Variants in GCNT3 observed in about 807,000 individuals in gnomAD.
The protein encoded by GCNT3 is beta-1,3-galactosyl-O-glycosyl-glycoprotein beta-1,6-N-acetylglucosaminyltransferase 3.
For missense variants in GCNT3, 708 were observed against 530.3 expected (o/e 1.34, Z -3.29); for synonymous variants, 269 against 195.2 (o/e 1.38, Z -3.15).
intron 1 of GCNT3, among the ~76,000 whole-genome samples, chr15:59,613,828 T>G (rs1369172375): frequency 6.6e-6 from 1 of 151,626 alleles, no homozygotes; most frequent in Non-Finnish European, 1.5e-5. Context: ...GGCAACACAG[T>G]GAAACCGCAT....
At chr15:59,617,177 T>A (rs531632243) in intron 2 of GCNT3, among the ~76,000 whole-genome samples, 1 of 145,908 alleles carries the variant, frequency 6.9e-6, no homozygotes, top group African/African-American at 2.5e-5. Context: ...TTTCTTTCTT[T>A]CTTTTTTTTT....
rs1349839741 is a variant in GCNT3 at position 59,621,594 on chromosome 15, T to TTTTTTTA, written c.*2045_*2046insATTTTTT. On this transcript the variant is annotated 3_prime_UTR_variant, in exon 3 of 3. Coordinates refer to ENST00000396065, the MANE Select transcript of GCNT3 (RefSeq NM_004751.3). Reference sequence around the variant, plus strand: ...ATGTTTCTTCCTTTCTGATTTTTGTTTTTTTTTTTTTTTTTGAGACAGAGT... The same window carrying TTTTTTTA: ...ATGTTTCTTCCTTTCTGATTTTTGTTTTTTTTATTTTTTTTTTTTTTTGAGACAGAGT... The TTTTTTTA allele has an allele frequency of 1.8e-5, 2 of 109,904 alleles. No homozygotes were observed. The highest frequency in any genetic ancestry group is 7.5e-5 in the African/African-American group (2 of 26,682). The allele number at this position is 109,904 out of a possible 1,614,324, so 6.8% of individuals were successfully genotyped here.
At chr15:59,613,811 C>G (rs2082707399) in intron 1 of GCNT3, among the ~76,000 whole-genome samples, 1 of 151,844 alleles carries the variant, frequency 6.6e-6, no homozygotes, top group Non-Finnish European at 1.5e-5. Context: ...AGCTTGAGAC[C>G]AGCCTGGGCA....
chr15:59,614,029 C>T (rs2082708479), intron 1 of GCNT3, among the ~76,000 whole-genome samples: 1 of 152,044 alleles, frequency 6.6e-6, no homozygotes, highest in Non-Finnish European at 1.5e-5. Context: ...AACACATACA[C>T]AAACAAAAGC....
chr15:59,616,154 A>G (rs537001887), intron 1 of GCNT3, among the ~76,000 whole-genome samples: 6 of 152,178 alleles, frequency 3.9e-5, no homozygotes, highest in Non-Finnish European at 8.8e-5. Flanking sequence ...CCCTGTGGGT[A>G]TTTCTACAAC....
At position 59,621,163 on chromosome 15, in the gene GCNT3, G is replaced by A. The variant is rs116871302; in HGVS notation, c.*1608G>A. The A allele has an allele frequency of 6.6e-6, 1 of 151,692 alleles. No homozygotes were observed. Among genetic ancestry groups the A allele is most frequent in the Non-Finnish European group, 1.5e-5 (1 of 67,930 alleles). 9.4% of individuals were successfully genotyped at this position (151,692 alleles called of 1,614,324 possible). ...GCCTCCCAAAGTGCTGGGATTACAGGTGTGAGCCACCATGCCTGGTCCCCT... is the reference window on the plus strand; with the variant it reads ...GCCTCCCAAAGTGCTGGGATTACAGATGTGAGCCACCATGCCTGGTCCCCT... On this transcript the variant is annotated 3_prime_UTR_variant, in exon 3 of 3. Coordinates refer to ENST00000396065, the MANE Select transcript of GCNT3 (RefSeq NM_004751.3).
At position 59,619,070 on chromosome 15, in the gene GCNT3, C is replaced by T; in HGVS notation, c.832C>T (p.Leu278=). Residue 278 remains leucine (L), a synonymous_variant, in exon 3 of 3, where the codon CTA becomes TTA. Transcript: ENST00000396065. ...HFEVVRDTLH[L]TNKKKDPPPY... Reference sequence around the variant, plus strand: ...TGAGGTAGTGAGAGACACATTACACCTAACCAACAAGAAGAAGGATCCTCC... The same window carrying T: ...TGAGGTAGTGAGAGACACATTACACTTAACCAACAAGAAGAAGGATCCTCC... The T allele has an allele frequency of 6.2e-7, 1 of 1,614,048 alleles. No homozygotes were observed. Among genetic ancestry groups the T allele is most frequent in the Non-Finnish European group, 8.5e-7 (1 of 1,179,922 alleles).
chr15:59,616,100 C>T (rs758109343), intron 1 of GCNT3, among the ~76,000 whole-genome samples: 4 of 152,192 alleles, frequency 2.6e-5, no homozygotes, highest in Non-Finnish European at 5.9e-5. Context: ...CTGCCAACAG[C>T]TCTAGACTCA....
Position 59,619,675 on chromosome 15 carries a change from A to G in GCNT3, c.*120A>G. The stretch of plus-strand genomic sequence containing the variant: ...TGCAATTCGTGGCATCCTTTAGGAT[A>G]AGAGGGCTGCTATTAGAGTGTGGGT... On this transcript the variant is annotated 3_prime_UTR_variant, in exon 3 of 3. Transcript: ENST00000396065. The G allele has an allele frequency of 4.2e-6, 3 of 707,762 alleles. No homozygotes were observed. Among genetic ancestry groups the G allele is most frequent in the Non-Finnish European group, 7.6e-6 (3 of 396,538 alleles). The allele number at this position is 707,762 out of a possible 1,614,324, so 43.8% of individuals were successfully genotyped here.
intron 1 of GCNT3, chr15:59,614,918 G>A (rs1434998573): frequency 6.6e-6 from 1 of 152,104 alleles, no homozygotes; most frequent in Admixed American, 6.5e-5. Context: ...AGAGGCCGGT[G>A]GGCAGAGGAC....
In GCNT3 at chr15:59,618,298, G is replaced by C; in HGVS notation, c.60G>C (p.Met20Ile). 5.0e-6 allele frequency: 8 copies of C among 1,612,358 alleles called. No homozygotes were observed. The highest frequency in any genetic ancestry group is 6.8e-6 in the Non-Finnish European group (8 of 1,179,416). The change falls in exon 3 of 3, where the codon ATG becomes ATC. Residue 20 changes from methionine (M) to isoleucine (I), a missense_variant. Coordinates refer to ENST00000396065, the MANE Select transcript of GCNT3 (RefSeq NM_004751.3). The stretch of plus-strand genomic sequence containing the variant: ...ACTTGTGGGCTCTGGGCTGCTATAT[G>C]CTGCTGGCCACTGTGGCTCTGAAAC... ...LHYLWALGCY[M>I]LLATVALKLS... is the part of the protein sequence containing the mutation.
rs968498724 is a variant in GCNT3, at chr15:59,621,985, C to G, written c.*2430C>G. 1.3e-5 allele frequency: 2 copies of G among 151,942 alleles called. No individual in the cohort carries two copies. The highest frequency in any genetic ancestry group is 2.4e-5 in the African/African-American group (1 of 41,358). 9.4% of individuals were successfully genotyped at this position (151,942 alleles called of 1,614,324 possible). ...AACCCTGTAACTCTGACAGTTATCACTGTGTCTGACACAGTGAATTTTTTA... is the reference window on the plus strand; with the variant it reads ...AACCCTGTAACTCTGACAGTTATCAGTGTGTCTGACACAGTGAATTTTTTA... On this transcript the variant is annotated 3_prime_UTR_variant, in exon 3 of 3. Transcript: ENST00000396065.
intron 1 of GCNT3, among the ~76,000 whole-genome samples, 198 bp downstream of exon 1, chr15:59,612,179 C>T (rs576716687): frequency 2.0e-5 from 3 of 152,316 alleles, no homozygotes; most frequent in South Asian, 2.1e-4. Flanking sequence ...CTTAGTTTCT[C>T]TGTTTCCCAT....
intron 1 of GCNT3, among the ~76,000 whole-genome samples, chr15:59,613,813 G>C (rs1307421494): frequency 6.6e-6 from 1 of 151,772 alleles, no homozygotes; most frequent in Non-Finnish European, 1.5e-5. Flanking sequence ...CTTGAGACCA[G>C]CCTGGGCAAC....
chr15:59,613,777 A>G (rs557784868), intron 1 of GCNT3, among the ~76,000 whole-genome samples: 1 of 152,128 alleles, frequency 6.6e-6, no homozygotes, highest in East Asian at 1.9e-4. Flanking sequence ...CACATTTTTA[A>G]TCCCAGCACT....
intron 1 of GCNT3, chr15:59,615,322 G>A (rs1286325510): frequency 6.6e-6 from 1 of 152,144 alleles, no homozygotes; most frequent in Non-Finnish European, 1.5e-5. Flanking sequence ...CCTCCTGAGA[G>A]GTCTGGATCT....
rs954282358 is a variant in GCNT3, at chr15:59,622,546, G to C, written c.*2991G>C. ...CTGCTGGCTGATGTGATGGTCCTTG[G>C]TCCTCCTCTGAAGGAGGTAGAAGGG... On this transcript the variant is annotated 3_prime_UTR_variant, in exon 3 of 3. Transcript: ENST00000396065. 6.6e-6 allele frequency: 1 copy of C among 152,104 alleles called. No homozygotes were observed. The highest frequency in any genetic ancestry group is 1.5e-5 in the Non-Finnish European group (1 of 68,026). The allele number at this position is 152,104 out of a possible 1,614,324, so 9.4% of individuals were successfully genotyped here.
At chr15:59,616,239 C>T (rs556693171) in intron 1 of GCNT3, among the ~76,000 whole-genome samples, 5 of 152,242 alleles carry the variant, frequency 3.3e-5, no homozygotes, top group African/African-American at 9.6e-5. Flanking sequence ...GGAGCAGTTG[C>T]ATTTGAAGAA....
At chr15:59,612,480 A>G (rs1357033666) in intron 1 of GCNT3, among the ~76,000 whole-genome samples, 1 of 152,196 alleles carries the variant, frequency 6.6e-6, no homozygotes, top group Non-Finnish European at 1.5e-5. Context: ...AAATAGCTTC[A>G]TGACTCCTGG....
Sources: gnomAD v4.1 joint callset for allele counts (sites outside exome capture counted in the v4.1 genomes callset) on GRCh38, gnomAD v4.1.1 for gene constraint, MANE v1.5 for transcripts, NCBI Gene and HGNC (gene_info 2026-07-23, HGNC 2026-07-21) for gene names.